The following PRKCA variants were observed in gnomAD, a reference collection of about 807,000 sequenced individuals.
PRKCA encodes the protein protein kinase C alpha type.
A neutral mutation model predicts 87.0 loss-of-function variants in PRKCA; 27 were observed. The observed-to-expected ratio is 0.31, with a 90% CI of 0.23 to 0.43. PRKCA has a LOEUF of 0.43. PRKCA is among the 20% of genes least tolerant of loss of function. The pLI is 1.00. For missense variants in PRKCA, 518 were observed against 852.3 expected (o/e 0.61, Z 4.88); for synonymous variants, 329 against 311.1 (o/e 1.06, Z -0.61).
chr17:66,768,263 G>GC (rs34586120), intron 13 of PRKCA, among the ~76,000 whole-genome samples: 1 of 148,608 alleles, frequency 6.7e-6, no homozygotes, highest in Non-Finnish European at 1.5e-5. Flanking sequence ...TTTTTTTTTG[G>GC]GGGGGAGAGA....
chr17:66,511,428 CTT>C (rs980915798), intron 3 of PRKCA, among the ~76,000 whole-genome samples: 41 of 152,258 alleles, frequency 2.7e-4, no homozygotes, highest in African/African-American at 9.9e-4. Context: ...GGGCTGCTCT[CTT>C]TTGCATTTGC....
chr17:66,787,156 C>A (rs1332727960), intron 15 of PRKCA, 182 bp downstream of exon 15: 5 of 770,202 alleles, frequency 6.5e-6, no homozygotes, highest in African/African-American at 1.7e-5. Flanking sequence ...CTTTGGACAG[C>A]ATGGATTAGT....
intron 3 of PRKCA, among the ~76,000 whole-genome samples, chr17:66,629,186 A>G (rs1970938504): frequency 6.6e-6 from 1 of 152,218 alleles, no homozygotes; most frequent in South Asian, 2.1e-4. Flanking sequence ...AGAAAAAGAC[A>G]TGGTTACACC....
chr17:66,604,035 C>T (rs1970135004), intron 3 of PRKCA, among the ~76,000 whole-genome samples: 1 of 152,158 alleles, frequency 6.6e-6, no homozygotes, highest in Non-Finnish European at 1.5e-5. Flanking sequence ...GAGTTGTTTG[C>T]ACCTTCCCCC....
intron 13 of PRKCA, among the ~76,000 whole-genome samples, chr17:66,770,760 G>A (rs952926670): frequency 1.3e-5 from 2 of 152,172 alleles, no homozygotes; most frequent in South Asian, 2.1e-4. Context: ...TGCTGATCTG[G>A]GAAGTAGTGG....
chr17:66,727,342 GAA>G (rs746008797), intron 8 of PRKCA, among the ~76,000 whole-genome samples: 39 of 152,314 alleles, frequency 2.6e-4, no homozygotes, highest in South Asian at 2.1e-4. Flanking sequence ...GGATATTCCT[GAA>G]GATTCCCAGA....
chr17:66,793,524 A>G (rs1975590177), intron 16 of PRKCA, among the ~76,000 whole-genome samples: 1 of 143,422 alleles, frequency 7.0e-6, no homozygotes, highest in South Asian at 2.3e-4. Context: ...TGGGAGGCGG[A>G]AGTTGCAGTG....
At chr17:66,687,340 T>C in intron 6 of PRKCA, 73 bp downstream of exon 6, 2 of 1,482,746 alleles carry the variant, frequency 1.3e-6, no homozygotes, top group Non-Finnish European at 1.8e-6. Flanking sequence ...TTTGAGGTAA[T>C]GAAGTAGGTT....
chr17:66,468,278 T>C (rs1915174533), intron 2 of PRKCA, among the ~76,000 whole-genome samples: 1 of 152,212 alleles, frequency 6.6e-6, no homozygotes, highest in South Asian at 2.1e-4. Context: ...GAAATGAACT[T>C]GTCTGAATCA....
chr17:66,785,827 GTGTTTT>G lies in PRKCA; in HGVS notation c.1606-1025_1606-1020del, dbSNP rs954762239. 8.5e-5 allele frequency among the ~76,000 whole-genome samples: 13 copies of G among 152,304 alleles called. No individual in the cohort carries two copies. The East Asian group carries it at 9.6e-4, about 11-fold the overall frequency. ...ACCCCATCTTACAAGTTGGAGAACT[GTGTTTT>G]TGTTTTTGTTTTTGAGACGGAGTCT... On this transcript the variant is annotated intron_variant, in intron 14 of 16. Transcript: ENST00000413366.
chr17:66,387,046 C>T (rs1480761207), intron 2 of PRKCA, among the ~76,000 whole-genome samples: 6 of 152,166 alleles, frequency 3.9e-5, no homozygotes, highest in African/African-American at 1.4e-4. Flanking sequence ...AAGGTTACTT[C>T]CTGCATGTTT....
At position 66,772,413 on chromosome 17, in the gene PRKCA, T is replaced by G. The variant is rs150257391; in HGVS notation, c.1525-1574T>G. ...GTTTCTCATCCTACATGCAGAAATATTAGTAATACATTAAAGAAATGAAAG... is the reference window on the plus strand; with the variant it reads ...GTTTCTCATCCTACATGCAGAAATAGTAGTAATACATTAAAGAAATGAAAG... On this transcript the variant is annotated intron_variant, in intron 13 of 16. Coordinates refer to ENST00000413366, the MANE Select transcript of PRKCA (RefSeq NM_002737.3). 2.5e-3 allele frequency among the ~76,000 whole-genome samples: 384 copies of G among 152,190 alleles called. 1 individual carries two copies. Among genetic ancestry groups the G allele is most frequent in the Non-Finnish European group, 4.4e-3 (302 of 68,010 alleles).
chr17:66,385,616 C>A (rs956422402), intron 2 of PRKCA, among the ~76,000 whole-genome samples: 16 of 152,196 alleles, frequency 1.1e-4, no homozygotes, highest in Admixed American at 6.5e-5. Context: ...AATCCCAGCA[C>A]TTTGAGAGGC....
intron 3 of PRKCA, among the ~76,000 whole-genome samples, chr17:66,515,467 C>T (rs940060340): frequency 1.3e-5 from 2 of 152,078 alleles, no homozygotes; most frequent in African/African-American, 4.8e-5. Flanking sequence ...TTTTGAGATA[C>T]AGTGGAATTA....
At chr17:66,702,279 C>T (rs1973083357) in intron 8 of PRKCA, among the ~76,000 whole-genome samples, 1 of 151,914 alleles carries the variant, frequency 6.6e-6, no homozygotes, top group South Asian at 2.1e-4. Flanking sequence ...CATGGATGAA[C>T]CTGGAGGACA....
rs114789171 is a variant in PRKCA at position 66,764,492 on chromosome 17, C to T, written c.1525-9495C>T. Among the ~76,000 whole-genome samples the T allele has an allele frequency of 3.9e-3, 595 of 152,270 alleles. 6 individuals carry two copies. Among genetic ancestry groups the T allele is most frequent in the African/African-American group, 0.014 (569 of 41,558 alleles). ...CCCTTTCATGCCCTGGTCCTGTGCC[C>T]GGGCTGGAAGAAAGCTCATTCATAT... On this transcript the variant is annotated intron_variant, in intron 13 of 16. Coordinates refer to ENST00000413366, the MANE Select transcript of PRKCA (RefSeq NM_002737.3).
At position 66,534,237 on chromosome 17, in the gene PRKCA, C is replaced by T. The variant is rs373123278; in HGVS notation, c.288+37954C>T. Among the ~76,000 whole-genome samples, 58 of 152,168 alleles carry T rather than the reference C, an allele frequency of 3.8e-4. 1 individual carries two copies. Among genetic ancestry groups the T allele is most frequent in the African/African-American group, 1.1e-3 (44 of 41,518 alleles). On this transcript the variant is annotated intron_variant, in intron 3 of 16. Transcript: ENST00000413366. ...AGTTATTATTGTTCTAACTAGCAGGCGGAATTGGGGTCTCTGAGGCATGAG... is the reference window on the plus strand; with the variant it reads ...AGTTATTATTGTTCTAACTAGCAGGTGGAATTGGGGTCTCTGAGGCATGAG...
chr17:66,558,259 T>TG (rs1437828925), intron 3 of PRKCA, among the ~76,000 whole-genome samples: 1 of 152,246 alleles, frequency 6.6e-6, no homozygotes, highest in East Asian at 1.9e-4. Context: ...TTTCCCCTCC[T>TG]GGGGCTTCTG....
intron 2 of PRKCA, among the ~76,000 whole-genome samples, chr17:66,440,563 CG>C (rs1913680575): frequency 6.6e-6 from 1 of 152,054 alleles, no homozygotes; most frequent in African/African-American, 2.4e-5. Context: ...AGAGCCACAG[CG>C]GCAGTGAGTG....
Sources: gnomAD v4.1 joint callset for allele counts (sites outside exome capture counted in the v4.1 genomes callset) on GRCh38, gnomAD v4.1.1 for gene constraint, MANE v1.5 for transcripts, NCBI Gene and HGNC (gene_info 2026-07-23, HGNC 2026-07-21) for gene names.